The following OLFM3 variants were observed in gnomAD, a reference collection of about 807,000 sequenced individuals.
The protein encoded by OLFM3 is olfactomedin 3.
OLFM3 carries 20 observed loss-of-function variants against 48.6 expected under a neutral mutation model. The ratio of observed to expected loss-of-function variants is 0.41; its 90% CI spans 0.29 to 0.60. OLFM3 has a LOEUF of 0.60. OLFM3 is among the 20% of genes least tolerant of loss of function. The pLI is 0.28. For synonymous variants in OLFM3, 222 were observed against 198.1 expected, an observed-to-expected ratio of 1.12 and a Z score of -1.01; for missense variants, 437 against 544.3, an observed-to-expected ratio of 0.80 and a Z score of 1.96.
chr1:101,900,257 T>C (rs941730085), intron 1 of OLFM3, among the ~76,000 whole-genome samples: 1 of 152,162 alleles, frequency 6.6e-6, no homozygotes, highest in Non-Finnish European at 1.5e-5. Flanking sequence ...TGAAAAATAT[T>C]CTGAAATTTT....
chr1:101,911,135 G>A (rs747764865), intron 1 of OLFM3, among the ~76,000 whole-genome samples: 4 of 152,152 alleles, frequency 2.6e-5, no homozygotes, highest in Non-Finnish European at 5.9e-5. Context: ...GAATTACTAA[G>A]GAGCTCAGTG....
In OLFM3 at chr1:101,831,933, C is replaced by T. The variant is rs566075633; in HGVS notation, c.217-1106G>A. Among the ~76,000 whole-genome samples, 124 of 152,246 alleles carry T rather than the reference C, an allele frequency of 8.1e-4. 1 individual carries two copies. Among genetic ancestry groups the T allele is most frequent in the African/African-American group, 2.7e-3 (111 of 41,542 alleles). Reference sequence around the variant, plus strand: ...TGCTGTTTTTTGTGAGACGGAGTCTCGCTCTGTCACCCAGGCTGGAGTGCA... The same window carrying T: ...TGCTGTTTTTTGTGAGACGGAGTCTTGCTCTGTCACCCAGGCTGGAGTGCA... On this transcript the variant is annotated intron_variant, in intron 2 of 5. Transcript: ENST00000370103.
intron 1 of OLFM3, chr1:101,846,997 A>G (rs751019166): frequency 4.4e-6 from 7 of 1,595,192 alleles, no homozygotes; most frequent in Non-Finnish European, 6.0e-6. Context: ...ATGAGTTTTC[A>G]TAGTGACTGA....
At chr1:101,941,316 G>A (rs1231293443) in intron 1 of OLFM3, among the ~76,000 whole-genome samples, 5 of 152,258 alleles carry the variant, frequency 3.3e-5, no homozygotes, top group South Asian at 4.1e-4. Flanking sequence ...AATGGCAGTC[G>A]TGGCTCAGGG....
chr1:101,935,313 TA>T (rs36122415), intron 1 of OLFM3, among the ~76,000 whole-genome samples: 163 of 145,232 alleles, frequency 1.1e-3, no homozygotes, highest in East Asian at 6.6e-3. Context: ...CCTAGAGAAA[TA>T]AAAAAAAAAA....
chr1:101,855,786 C>T (rs1656389131), intron 1 of OLFM3, among the ~76,000 whole-genome samples: 1 of 151,994 alleles, frequency 6.6e-6, no homozygotes, highest in African/African-American at 2.4e-5. Flanking sequence ...TTGCCAAAAG[C>T]TTTTCTGGAA....
At chr1:101,956,103 T>TTTTTTTTTTTTA (rs781231551) in intron 1 of OLFM3, among the ~76,000 whole-genome samples, 96 of 143,276 alleles carry the variant, frequency 6.7e-4, no homozygotes, top group African/African-American at 2.3e-3. Flanking sequence ...TTTTTTTTTT[T>TTTTTTTTTTTTA]AAAAAAAACC....
At chr1:101,893,358 G>A in intron 1 of OLFM3, 1 of 387,322 alleles carries the variant, frequency 2.6e-6, no homozygotes, top group South Asian at 2.4e-5. Context: ...CAAGCTGTGT[G>A]CATGGAGACC....
intron 3 of OLFM3, among the ~76,000 whole-genome samples, chr1:101,827,166 T>C (rs1421384565): frequency 6.6e-6 from 1 of 152,248 alleles, no homozygotes; most frequent in East Asian, 1.9e-4. Flanking sequence ...TACATCCAAG[T>C]TCTTAGCTAG....
In OLFM3 at chr1:101,804,621, CA is replaced by C; in HGVS notation, c.993del (p.Asp332MetfsTer30). On this transcript the variant is annotated frameshift_variant, in exon 6 of 6. Transcript: ENST00000370103. LOFTEE classifies it high-confidence loss of function. The surrounding 1 kb of genome is among the most constrained non-coding windows in gnomAD (Gnocchi z 4.5). ...TACACAGCCCACAGCCCGATTTCAT[CA>C]GCCATTAGGTCGATGTCAGAGAATC... ...WGGFSDIDLM[A>X]DEIGLWAVYA... is the part of the protein sequence containing the mutation. 6.2e-7 allele frequency: 1 copy of C among 1,612,548 alleles called. No homozygotes were observed. Among genetic ancestry groups the C allele is most frequent in the Non-Finnish European group, 8.5e-7 (1 of 1,179,170 alleles).
At chr1:101,917,060 T>C (rs1443116528) in intron 1 of OLFM3, among the ~76,000 whole-genome samples, 1 of 152,182 alleles carries the variant, frequency 6.6e-6, no homozygotes, top group East Asian at 1.9e-4. Flanking sequence ...AAATATAAAA[T>C]AATCATCTGG....
intron 1 of OLFM3, among the ~76,000 whole-genome samples, chr1:101,953,023 G>T (rs1398521005): frequency 6.6e-6 from 1 of 152,020 alleles, no homozygotes; most frequent in Non-Finnish European, 1.5e-5. Flanking sequence ...GAAATAACAT[G>T]AGTAAAAGTA....
intron 1 of OLFM3, among the ~76,000 whole-genome samples, chr1:101,930,763 A>C (rs892426614): frequency 1.3e-5 from 2 of 152,212 alleles, no homozygotes; most frequent in African/African-American, 4.8e-5. Context: ...TCCTTTGCAG[A>C]TGAGAAATTG....
chr1:101,912,265 A>G (rs1168844711), intron 1 of OLFM3, among the ~76,000 whole-genome samples: 1 of 152,208 alleles, frequency 6.6e-6, no homozygotes, highest in Non-Finnish European at 1.5e-5. Flanking sequence ...ACGTATGTGC[A>G]AAGCTGAAAG....
At chr1:101,992,275 T>C (rs538085101) in intron 1 of OLFM3, among the ~76,000 whole-genome samples, 2 of 152,330 alleles carry the variant, frequency 1.3e-5, no homozygotes, top group South Asian at 4.1e-4. Flanking sequence ...AGAAAGGTGA[T>C]ACCATTTAAC....
intron 1 of OLFM3, among the ~76,000 whole-genome samples, chr1:101,925,080 GGAGGAGGAA>G (rs1458479018): frequency 1.3e-5 from 2 of 152,086 alleles, no homozygotes; most frequent in African/African-American, 4.8e-5. Context: ...TCATGAATAA[GGAGGAGGAA>G]GAGACAGAGA....
At chr1:101,985,427 G>A (rs1570691198) in intron 1 of OLFM3, among the ~76,000 whole-genome samples, 1 of 152,164 alleles carries the variant, frequency 6.6e-6, no homozygotes, top group African/African-American at 2.4e-5. Flanking sequence ...CACAGCAGCA[G>A]TAAATATCAT....
At chr1:101,879,937 C>T (rs1329148115) in intron 1 of OLFM3, among the ~76,000 whole-genome samples, 2 of 151,850 alleles carry the variant, frequency 1.3e-5, no homozygotes, top group African/African-American at 4.8e-5. Flanking sequence ...AACATTCTTT[C>T]CTCCATCTCC....
intron 1 of OLFM3, among the ~76,000 whole-genome samples, chr1:101,969,293 C>G (rs549283772): frequency 6.6e-6 from 1 of 150,864 alleles, no homozygotes. Flanking sequence ...GGGCTACAGG[C>G]ATGCAACACC....
Sources: allele counts gnomAD v4.1 joint callset (sites outside exome capture counted in the v4.1 genomes callset), GRCh38; gene constraint gnomAD v4.1.1; non-coding constraint Gnocchi (gnomAD v3.1); transcripts MANE v1.5; gene names NCBI Gene and HGNC (gene_info 2026-07-23, HGNC 2026-07-21).